Variants in HPSE2 observed in about 807,000 individuals in gnomAD.
HPSE2 encodes the protein heparanase 2 (inactive), also known as inactive heparanase-2.
In HPSE2, 38 loss-of-function variants were observed where a neutral mutation model predicts 60.5. The ratio of observed to expected loss-of-function variants is 0.63; its 90% CI spans 0.48 to 0.82. The LOEUF (loss-of-function observed/expected upper bound fraction) is 0.82. Among genes scored for constraint, HPSE2 ranks in the 40% least tolerant of loss-of-function variants. The pLI is 0.00. For synonymous variants in HPSE2, 295 were observed against 293.2 expected (o/e 1.01, Z -0.06); for missense variants, 713 against 740.4 (o/e 0.96, Z 0.43).
intron 6 of HPSE2, among the ~76,000 whole-genome samples, chr10:98,655,019 T>A (rs1050175971): frequency 6.6e-6 from 1 of 152,218 alleles, no homozygotes; most frequent in Admixed American, 6.5e-5. Context: ...ACTGTGCTGC[T>A]GGTGTGGCAG....
At chr10:98,622,480 T>C (rs548739402) in intron 7 of HPSE2, among the ~76,000 whole-genome samples, 1 of 152,192 alleles carries the variant, frequency 6.6e-6, no homozygotes, top group Non-Finnish European at 1.5e-5. Context: ...AGAAAAAATA[T>C]ATGTGCCAAA....
chr10:98,973,268 G>C (rs570777682), intron 3 of HPSE2, among the ~76,000 whole-genome samples: 2 of 152,118 alleles, frequency 1.3e-5, no homozygotes. Context: ...AATTGACAGT[G>C]TTTGCAATTT....
At chr10:98,822,849 G>A (rs962653185) in intron 3 of HPSE2, among the ~76,000 whole-genome samples, 6 of 152,308 alleles carry the variant, frequency 3.9e-5, no homozygotes, top group Admixed American at 3.3e-4. Flanking sequence ...CAACCAAAAT[G>A]TTTACATCCT....
intron 3 of HPSE2, among the ~76,000 whole-genome samples, chr10:98,987,134 C>A (rs191025683): frequency 0.013 from 2,040 of 152,136 alleles, 38 homozygotes; most frequent in African/African-American, 0.046. Flanking sequence ...TCCTCCCTAA[C>A]TCATTTTATG....
At chr10:98,850,518 C>T (rs748377708) in intron 3 of HPSE2, among the ~76,000 whole-genome samples, 2 of 151,886 alleles carry the variant, frequency 1.3e-5, no homozygotes, top group East Asian at 1.9e-4. Flanking sequence ...GGGCAGATCA[C>T]GAGGTTAGGA....
chr10:98,827,497 C>T (rs7915251), intron 3 of HPSE2, among the ~76,000 whole-genome samples: 76,785 of 152,040 alleles, frequency 0.51, 21,386 homozygotes, highest in South Asian at 0.75. Flanking sequence ...TGAGCCACTG[C>T]GCCCGGCCCT....
At chr10:99,145,812 T>A (rs150851578) in intron 2 of HPSE2, among the ~76,000 whole-genome samples, 20 of 152,324 alleles carry the variant, frequency 1.3e-4, no homozygotes, top group African/African-American at 3.6e-4. Flanking sequence ...AACACTGTTC[T>A]GGAGAAGTAG....
At chr10:98,603,577 A>C (rs1449416448) in intron 9 of HPSE2, among the ~76,000 whole-genome samples, 2 of 151,758 alleles carry the variant, frequency 1.3e-5, no homozygotes, top group Non-Finnish European at 2.9e-5. Context: ...CTACAGGCAC[A>C]CACCACCATG....
At chr10:99,043,415 CAGG>C (rs1957787140) in intron 3 of HPSE2, among the ~76,000 whole-genome samples, 1 of 152,126 alleles carries the variant, frequency 6.6e-6, no homozygotes, top group African/African-American at 2.4e-5. Flanking sequence ...ATCTGGGACC[CAGG>C]AGGAGGAGCT....
At chr10:99,262,710 T>A in the HPSE2 span, among the ~76,000 whole-genome samples, 12 of 152,304 alleles carry the variant, frequency 7.9e-5, no homozygotes, top group East Asian at 2.3e-3. Flanking sequence ...ACAAGTCTTA[T>A]AGGTTGGTTC....
At chr10:99,205,625 C>A (rs1376477193) in intron 2 of HPSE2, among the ~76,000 whole-genome samples, 1 of 152,068 alleles carries the variant, frequency 6.6e-6, no homozygotes, top group African/African-American at 2.4e-5. Context: ...AAATTTCACA[C>A]ACATAAAAAT....
At chr10:99,072,401 T>C (rs2902258) in intron 3 of HPSE2, among the ~76,000 whole-genome samples, 74,615 of 151,888 alleles carry the variant, frequency 0.49, 20,769 homozygotes, top group East Asian at 0.65. Flanking sequence ...AATCTATCTA[T>C]CTGACAAAGG....
At chr10:98,975,932 C>T (rs761768690) in intron 3 of HPSE2, among the ~76,000 whole-genome samples, 58 of 152,132 alleles carry the variant, frequency 3.8e-4, no homozygotes, top group Non-Finnish European at 7.4e-4. Context: ...CTAATCAATG[C>T]AGGTTTTAGA....
chr10:99,303,195 A>G, the HPSE2 span, among the ~76,000 whole-genome samples: 2 of 152,256 alleles, frequency 1.3e-5, no homozygotes, highest in African/African-American at 4.8e-5. Context: ...TTTAACAAGG[A>G]TATTAGCAAA....
At position 99,094,540 on chromosome 10, in the gene HPSE2, A is replaced by ATT. The variant is rs531721304; in HGVS notation, c.610+49696_610+49697dup. On this transcript the variant is annotated intron_variant, in intron 3 of 11. Transcript: ENST00000370552. ...CATATATATATATATATATATATATATTTTTTTTTTTTTTTTTTTTTTTTT... is the reference window on the plus strand; with the variant it reads ...CATATATATATATATATATATATATATTTTTTTTTTTTTTTTTTTTTTTTTTT... Among the ~76,000 whole-genome samples the ATT allele has an allele frequency of 2.1e-3, 57 of 26,620 alleles. 8 individuals carry two copies. The highest frequency in any genetic ancestry group is 2.6e-3 in the African/African-American group (15 of 5,860). The allele number at this position is 26,620 out of a possible 152,430, so 17.5% of individuals were successfully genotyped here.
chr10:98,943,994 A>C (rs902011364), intron 3 of HPSE2, among the ~76,000 whole-genome samples: 3 of 152,186 alleles, frequency 2.0e-5, no homozygotes, highest in Non-Finnish European at 4.4e-5. Context: ...ACAGAAATAG[A>C]TATCTAATAA....
intron 3 of HPSE2, among the ~76,000 whole-genome samples, chr10:98,824,812 T>C (rs1456762825): frequency 6.6e-6 from 1 of 152,210 alleles, no homozygotes; most frequent in Non-Finnish European, 1.5e-5. Context: ...TTGCTTCTGC[T>C]CTTAAAACCT....
intron 3 of HPSE2, among the ~76,000 whole-genome samples, chr10:99,052,261 T>A: frequency 1.4e-5 from 2 of 148,120 alleles, no homozygotes; most frequent in African/African-American, 2.5e-5. Flanking sequence ...ACTCTAGAAA[T>A]GAAAAGTACA....
intron 3 of HPSE2, among the ~76,000 whole-genome samples, chr10:99,027,577 T>C (rs1013452162): frequency 2.0e-5 from 3 of 151,666 alleles, no homozygotes; most frequent in Admixed American, 6.6e-5. Flanking sequence ...TTCTGAAAAA[T>C]AGGAAAGGAA....
Sources: gnomAD v4.1 joint callset for allele counts (sites outside exome capture counted in the v4.1 genomes callset) on GRCh38, gnomAD v4.1.1 for gene constraint, MANE v1.5 for transcripts, NCBI Gene and HGNC (gene_info 2026-07-23, HGNC 2026-07-21) for gene names.